The following IL1RAPL2 variants were observed in gnomAD, a reference collection of about 807,000 sequenced individuals.
IL1RAPL2 encodes the protein interleukin 1 receptor accessory protein like 2.
A neutral mutation model predicts 44.1 loss-of-function variants in IL1RAPL2; 3 were observed. That is an observed-to-expected ratio of 0.07 (90% CI 0.03 to 0.18). The LOEUF is 0.18. Among genes scored for constraint, IL1RAPL2 ranks in the 10% least tolerant of loss-of-function variants. IL1RAPL2 has a pLI of 1.00. For missense variants in IL1RAPL2, 391 were observed against 496.4 expected (o/e 0.79, Z 2.02); for synonymous variants, 181 against 178.8 (o/e 1.01, Z -0.10).
rs187646751 is a variant in IL1RAPL2 at position 105,512,516 on chromosome X, G to T, written c.772+28129G>T. On this transcript the variant is annotated intron_variant, in intron 6 of 10. Transcript: ENST00000372582. ...ACCTAAATTGTCTTTTCCCTAATTT[G>T]TGAATTTATTTGTCTAGAAATCTTA... Among the ~76,000 whole-genome samples, 279 of 111,567 alleles carry T rather than the reference G, an allele frequency of 2.5e-3. 1 individual carries two copies. The Middle Eastern group carries it at 0.028, about 11-fold the overall frequency.
At chrX:104,820,811 A>G (rs1037330213) in intron 2 of IL1RAPL2, among the ~76,000 whole-genome samples, 4 of 112,305 alleles carry the variant, frequency 3.6e-5, no homozygotes, top group African/African-American at 1.3e-4. Context: ...ATTAAATAAG[A>G]TATCTTATGT....
At chrX:105,322,257 CACAGGTTTTTAATTTGTTTGT>C (rs2034902723) in intron 5 of IL1RAPL2, among the ~76,000 whole-genome samples, 1 of 112,499 alleles carries the variant, frequency 8.9e-6, no homozygotes, top group Non-Finnish European at 1.9e-5. Flanking sequence ...CTCTTTAGGC[CACAGGTTTTTAATTTGTTTGT>C]ATTAGTTTTC....
At chrX:105,116,402 T>C (rs1196375010) in intron 2 of IL1RAPL2, among the ~76,000 whole-genome samples, 1 of 113,155 alleles carries the variant, frequency 8.8e-6, no homozygotes, top group African/African-American at 3.2e-5. Context: ...GCATAGTAGG[T>C]ACTTAGTAAA....
At chrX:104,580,341 A>G (rs1311586548) in intron 1 of IL1RAPL2, among the ~76,000 whole-genome samples, 1 of 112,765 alleles carries the variant, frequency 8.9e-6, no homozygotes, top group Non-Finnish European at 1.9e-5. Flanking sequence ...TTTTATAGAC[A>G]TTACAAGTAA....
At chrX:104,912,993 A>T (rs1924292945) in intron 2 of IL1RAPL2, among the ~76,000 whole-genome samples, 1 of 111,712 alleles carries the variant, frequency 9.0e-6, no homozygotes, top group Non-Finnish European at 1.9e-5. Context: ...TATATAAGCA[A>T]GGCAGGATAG....
At chrX:105,128,871 G>T (rs1336570393) in intron 2 of IL1RAPL2, among the ~76,000 whole-genome samples, 1 of 111,335 alleles carries the variant, frequency 9.0e-6, no homozygotes, top group Non-Finnish European at 1.9e-5. Context: ...CAAAGTAAGA[G>T]TGTTAGATTG....
intron 2 of IL1RAPL2, among the ~76,000 whole-genome samples, chrX:105,007,472 G>A (rs758147832): frequency 2.7e-5 from 3 of 111,078 alleles, no homozygotes; most frequent in South Asian, 7.5e-4. Flanking sequence ...GCTCAATATC[G>A]AAGTATAACT....
Position 105,630,604 on chromosome X carries a change from G to A in IL1RAPL2, c.773-86763G>A, listed in dbSNP as rs448592. 8.3e-3 allele frequency among the ~76,000 whole-genome samples: 894 copies of A among 107,313 alleles called. 12 individuals carry two copies. The highest frequency in any genetic ancestry group is 0.082 in the South Asian group (197 of 2,412). The allele number at this position is 107,313 out of a possible 115,157, so 93.2% of individuals were successfully genotyped here. A position where few individuals can be genotyped will look rare whatever the true frequency, so the allele number is the denominator to read the frequency against. Reference sequence around the variant, plus strand: ...AGGGAGAATAAAATGTTGAAGATTCGATCTGTGCCCTTAAAGGTTTTCAAC... The same window carrying A: ...AGGGAGAATAAAATGTTGAAGATTCAATCTGTGCCCTTAAAGGTTTTCAAC... On this transcript the variant is annotated intron_variant, in intron 6 of 10. Coordinates refer to ENST00000372582, the MANE Select transcript of IL1RAPL2 (RefSeq NM_017416.2).
chrX:105,328,455 A>C (rs1447870849), intron 5 of IL1RAPL2, among the ~76,000 whole-genome samples: 2 of 111,900 alleles, frequency 1.8e-5, no homozygotes, highest in Non-Finnish European at 3.8e-5. Context: ...GATTGTATTA[A>C]GTAAAATTTT....
intron 6 of IL1RAPL2, among the ~76,000 whole-genome samples, chrX:105,586,423 T>C (rs2037129221): frequency 8.9e-6 from 1 of 112,017 alleles, no homozygotes; most frequent in African/African-American, 3.2e-5. Context: ...AGCTTAACCA[T>C]TGTTGAAGAC....
chrX:105,684,191 G>A (rs1006523058), intron 6 of IL1RAPL2, among the ~76,000 whole-genome samples: 3 of 112,272 alleles, frequency 2.7e-5, no homozygotes, highest in Non-Finnish European at 3.8e-5. Flanking sequence ...TGGACAGTGG[G>A]TGCAGCCTAC....
At chrX:105,685,086 CAA>C (rs1181903115) in intron 6 of IL1RAPL2, among the ~76,000 whole-genome samples, 8 of 112,027 alleles carry the variant, frequency 7.1e-5, no homozygotes, top group Admixed American at 2.8e-4. Context: ...TATAAAACCA[CAA>C]AGATTGGGAG....
chrX:104,647,032 CTTTT>C (rs1174518880), intron 1 of IL1RAPL2, among the ~76,000 whole-genome samples: 1 of 106,681 alleles, frequency 9.4e-6, no homozygotes, highest in Non-Finnish European at 2.0e-5. Flanking sequence ...AAATTCCAAA[CTTTT>C]TTTTTTTAAG....
chrX:104,802,365 CAAAT>C (rs1932890863), intron 2 of IL1RAPL2, among the ~76,000 whole-genome samples: 3 of 100,613 alleles, frequency 3.0e-5, no homozygotes, highest in Admixed American at 1.1e-4. Flanking sequence ...AAAAACAAAA[CAAAT>C]AAAAAAAAAA....
intron 2 of IL1RAPL2, among the ~76,000 whole-genome samples, chrX:105,097,991 T>C (rs2032626675): frequency 1.8e-5 from 2 of 111,735 alleles, no homozygotes; most frequent in South Asian, 7.5e-4. Flanking sequence ...ACCCATCACA[T>C]AGAAGAAAAG....
intron 6 of IL1RAPL2, among the ~76,000 whole-genome samples, chrX:105,619,976 G>T (rs1362328292): frequency 2.7e-5 from 3 of 110,744 alleles, no homozygotes; most frequent in Non-Finnish European, 5.7e-5. Context: ...TCTGTATGAG[G>T]ACATGGGACT....
At chrX:105,545,391 T>A (rs2147800013) in intron 6 of IL1RAPL2, among the ~76,000 whole-genome samples, 1 of 112,246 alleles carries the variant, frequency 8.9e-6, no homozygotes, top group East Asian at 2.8e-4. Context: ...ACTTGCAGAG[T>A]GCAATTAACA....
chrX:104,927,786 C>T, intron 2 of IL1RAPL2, among the ~76,000 whole-genome samples: 1 of 111,711 alleles, frequency 9.0e-6, no homozygotes, highest in Admixed American at 9.6e-5. Flanking sequence ...GCATTTTGAT[C>T]AGCCAGTGTA....
intron 5 of IL1RAPL2, among the ~76,000 whole-genome samples, chrX:105,444,702 A>G (rs1323802051): frequency 3.6e-5 from 4 of 111,250 alleles, no homozygotes; most frequent in Non-Finnish European, 7.5e-5. Flanking sequence ...GGTTTGTTAC[A>G]TAGGTATACC....
Sources: allele counts gnomAD v4.1 joint callset (sites outside exome capture counted in the v4.1 genomes callset), GRCh38; gene constraint gnomAD v4.1.1; transcripts MANE v1.5; gene names NCBI Gene and HGNC (gene_info 2026-07-23, HGNC 2026-07-21).